Variants in DAB2IP observed in about 807,000 individuals in gnomAD.
DAB2IP encodes the protein DAB2 interacting protein, also known as disabled homolog 2-interacting protein.
Under a neutral mutation model 107.2 loss-of-function variants are expected in DAB2IP, and 28 were observed. That is an observed-to-expected ratio of 0.26 (90% CI 0.19 to 0.36). The LOEUF is 0.36. Ranked by LOEUF, DAB2IP falls within the 10% of genes least tolerant of loss-of-function variation. The probability of loss-of-function intolerance (pLI) is 1.00; values close to 1 mark genes in which losing one functional copy is unlikely to be tolerated. For missense variants in DAB2IP, 1,400 were observed against 1,644.7 expected (o/e 0.85, Z 2.57); for synonymous variants, 755 against 706.4 (o/e 1.07, Z -1.09).
rs922966944 is a variant in DAB2IP at position 121,633,388 on chromosome 9, C to T, written c.41-45290C>T. Among the ~76,000 whole-genome samples, 13 of 152,094 alleles carry T rather than the reference C, an allele frequency of 8.5e-5. No individual in the cohort carries two copies. Among genetic ancestry groups the T allele is most frequent in the African/African-American group, 2.7e-4 (11 of 41,422 alleles). On this transcript the variant is annotated intron_variant, in intron 1 of 16. Coordinates refer to the DAB2IP transcript ENST00000259371. This position sits in a 1 kb window ranked among gnomAD's most constrained non-coding sequence, Gnocchi z 5.1. ...TGTCTTTGCCCACTGACCCCACCCC[C>T]CCTACCAAACCACCTCTGCTGCAAA...
chr9:121,736,452 C>T lies in DAB2IP; in HGVS notation c.363-20561C>T, dbSNP rs1831924853. ...GGCGTGCCGAAGCGCAGCGGCGGGT[C>T]GCTAGCGGGAAGTGGCTGCAGCTGG... On this transcript the variant is annotated intron_variant, in intron 3 of 15. Coordinates refer to ENST00000408936, the Ensembl canonical transcript of DAB2IP. This position sits in a 1 kb window ranked among gnomAD's most constrained non-coding sequence, Gnocchi z 4.6. 6.6e-6 allele frequency among the ~76,000 whole-genome samples: 1 copy of T among 152,006 alleles called. No individual in the cohort carries two copies. Among genetic ancestry groups the T allele is most frequent in the Non-Finnish European group, 1.5e-5 (1 of 67,992 alleles).
intron 8 of DAB2IP, among the ~76,000 whole-genome samples, chr9:121,765,417 C>T (rs577314128): frequency 2.0e-5 from 3 of 152,356 alleles, no homozygotes; most frequent in East Asian, 1.9e-4. Context: ...CTTCATTCCC[C>T]GCTAGGTGTG....
At chr9:121,665,383 T>G (rs1281951019) in intron 1 of DAB2IP, among the ~76,000 whole-genome samples, 1 of 152,164 alleles carries the variant, frequency 6.6e-6, no homozygotes, top group Non-Finnish European at 1.5e-5. Context: ...TGCAGAACAT[T>G]ACTAAGGTGG....
intron 1 of DAB2IP, among the ~76,000 whole-genome samples, chr9:121,600,694 TA>T (rs1330217434): frequency 1.3e-5 from 2 of 151,678 alleles, no homozygotes; most frequent in Non-Finnish European, 1.5e-5. Flanking sequence ...TACCTAAGAG[TA>T]AAAAAATGGA....
At chr9:121,704,585 A>G (rs959024594) in intron 3 of DAB2IP, among the ~76,000 whole-genome samples, 1 of 152,144 alleles carries the variant, frequency 6.6e-6, no homozygotes, top group African/African-American at 2.4e-5. Flanking sequence ...TGGATCCTAC[A>G]CGTTAAATGA....
rs1377980812 is a variant in DAB2IP, at chr9:121,736,567, G to A, written c.363-20446G>A. ...GGTGGGGGGCGGGTGGGAGGGCCCGGAGGGCTGGGGCTGGGGCGGGCCGCT... is the reference window on the plus strand; with the variant it reads ...GGTGGGGGGCGGGTGGGAGGGCCCGAAGGGCTGGGGCTGGGGCGGGCCGCT... On this transcript the variant is annotated intron_variant, in intron 3 of 15. Transcript: ENST00000408936. The surrounding 1 kb of genome is among the most constrained non-coding windows in gnomAD (Gnocchi z 4.6). Among the ~76,000 whole-genome samples the A allele has an allele frequency of 6.6e-6, 1 of 150,600 alleles. No homozygotes were observed. The highest frequency in any genetic ancestry group is 1.5e-5 in the Non-Finnish European group (1 of 67,448).
At chr9:121,767,903 A>T (rs1268158834) in intron 9 of DAB2IP, among the ~76,000 whole-genome samples, 2 of 151,966 alleles carry the variant, frequency 1.3e-5, no homozygotes, top group Admixed American at 6.6e-5. Context: ...AGGAAGAGGG[A>T]GGAGTTGACA....
chr9:121,595,666 T>C (rs1830516156), intron 1 of DAB2IP, among the ~76,000 whole-genome samples: 1 of 151,610 alleles, frequency 6.6e-6, no homozygotes, highest in African/African-American at 2.4e-5. Flanking sequence ...GATGTGTGAA[T>C]GTGTGAAGCT....
chr9:121,589,978 C>T (rs966524575), intron 1 of DAB2IP, among the ~76,000 whole-genome samples: 1 of 91,368 alleles, frequency 1.1e-5, no homozygotes, highest in Non-Finnish European at 2.2e-5. Context: ...CCCTTCCCTT[C>T]CCTTCCCTTC....
At chr9:121,768,283 G>C (rs1834438457) in intron 9 of DAB2IP, 149 bp from the exon 10 acceptor site, 1 of 803,974 alleles carries the variant, frequency 1.2e-6, no homozygotes, top group Non-Finnish European at 2.1e-6. Context: ...CTGGTGACCT[G>C]GGTCAGAGCA....
At chr9:121,609,425 G>A (rs966515632) in intron 1 of DAB2IP, among the ~76,000 whole-genome samples, 3 of 152,146 alleles carry the variant, frequency 2.0e-5, no homozygotes, top group Non-Finnish European at 4.4e-5. Context: ...CAGACCACCA[G>A]GATCAGTTTT....
In DAB2IP at chr9:121,702,459, CAG is replaced by C. The variant is rs1198512663; in HGVS notation, c.362+3002_362+3003del. The stretch of plus-strand genomic sequence containing the variant: ...CGGACTTATTCTTCTGAAACGGCCT[CAG>C]GGGAGGTTGCCAGCTGGTCTCCACA... On this transcript the variant is annotated intron_variant, in intron 3 of 15. Transcript: ENST00000408936. The surrounding 1 kb of genome is among the most constrained non-coding windows in gnomAD (Gnocchi z 4.5). Among the ~76,000 whole-genome samples, 1 of 152,124 alleles carries C rather than the reference CAG, an allele frequency of 6.6e-6. No homozygotes were observed. The highest frequency in any genetic ancestry group is 1.5e-5 in the Non-Finnish European group (1 of 68,024).
chr9:121,623,556 G>A (rs1443283347), intron 1 of DAB2IP, among the ~76,000 whole-genome samples: 1 of 152,010 alleles, frequency 6.6e-6, no homozygotes, highest in Non-Finnish European at 1.5e-5. Flanking sequence ...TTGTAGAGAT[G>A]GGGGTCTGGC....
intron 14 of DAB2IP, among the ~76,000 whole-genome samples, chr9:121,777,832 T>C (rs1435263562): frequency 6.6e-6 from 1 of 152,256 alleles, no homozygotes; most frequent in African/African-American, 2.4e-5. Flanking sequence ...AGGCTGTTTA[T>C]GTACTATTGT....
intron 3 of DAB2IP, among the ~76,000 whole-genome samples, chr9:121,731,350 G>A (rs1361141028): frequency 5.3e-5 from 8 of 152,150 alleles, no homozygotes; most frequent in Non-Finnish European, 1.2e-4. Context: ...CACATGTCAC[G>A]GCAAGGAGGT....
Position 121,701,015 on chromosome 9 carries a change from C to T in DAB2IP, c.362+1557C>T, listed in dbSNP as rs1048298367. ...CGGTTTGCTGCCTTCCTCCCTCCAC[C>T]GGGCCCCTGCCTTCGGCTGTCTTCC... On this transcript the variant is annotated intron_variant, in intron 3 of 15. Transcript: ENST00000408936. This position sits in a 1 kb window ranked among gnomAD's most constrained non-coding sequence, Gnocchi z 4.7. 6.6e-6 allele frequency among the ~76,000 whole-genome samples: 1 copy of T among 152,252 alleles called. No homozygotes were observed. The highest frequency in any genetic ancestry group is 1.5e-5 in the Non-Finnish European group (1 of 68,048).
intron 1 of DAB2IP, among the ~76,000 whole-genome samples, chr9:121,669,200 G>C (rs1833576191): frequency 6.6e-6 from 1 of 152,104 alleles, no homozygotes; most frequent in African/African-American, 2.4e-5. Flanking sequence ...CCAAAGTGCT[G>C]GGATTACAGG....
At chr9:121,764,817 C>T (rs1384816630) in intron 8 of DAB2IP, among the ~76,000 whole-genome samples, 1 of 152,224 alleles carries the variant, frequency 6.6e-6, no homozygotes, top group African/African-American at 2.4e-5. Context: ...CTTCCTGCTC[C>T]GAGGCCACAC....
chr9:121,774,045 G>A (rs1449393266), intron 12 of DAB2IP, among the ~76,000 whole-genome samples: 1 of 152,212 alleles, frequency 6.6e-6, no homozygotes, highest in Non-Finnish European at 1.5e-5. Context: ...TGGTGCTCAG[G>A]AGGCCACCTG....
Sources: gnomAD v4.1 joint callset for allele counts (sites outside exome capture counted in the v4.1 genomes callset) on GRCh38, gnomAD v4.1.1 for gene constraint, Gnocchi (gnomAD v3.1) non-coding constraint, MANE v1.5 for transcripts, NCBI Gene and HGNC (gene_info 2026-07-23, HGNC 2026-07-21) for gene names.